The following ZNF385D variants were observed in gnomAD, a reference collection of about 807,000 sequenced individuals.
The protein encoded by ZNF385D is zinc finger protein 385D, also known as zinc finger protein 659.
In ZNF385D, 15 loss-of-function variants were observed where a neutral mutation model predicts 35.8. The ratio of observed to expected loss-of-function variants is 0.42; its 90% CI spans 0.28 to 0.64. ZNF385D has a LOEUF of 0.64. ZNF385D is among the 30% of genes least tolerant of loss of function. The pLI is 0.23. For missense variants in ZNF385D, 474 were observed against 494.6 expected, an observed-to-expected ratio of 0.96 and a Z score of 0.39; for synonymous variants, 212 against 186.8, an observed-to-expected ratio of 1.13 and a Z score of -1.10.
At chr3:21,674,001 A>T (rs2066650763) in intron 1 of ZNF385D, among the ~76,000 whole-genome samples, 1 of 152,146 alleles carries the variant, frequency 6.6e-6, no homozygotes, top group Admixed American at 6.6e-5. Context: ...ACTCTTTAAA[A>T]AGAAAAAATA....
chr3:22,074,131 T>G lies in ZNF385D; in HGVS notation c.325+94686A>C, dbSNP rs4858377. Among the ~76,000 whole-genome samples, 1,313 of 152,048 alleles carry G rather than the reference T, an allele frequency of 8.6e-3. 74 individuals are homozygous for G. Among genetic ancestry groups the G allele is most frequent in the Admixed American group, 0.079 (1,204 of 15,234 alleles). ...TTTCTTTTTCTGTGTACCTGTAAGA[T>G]GAAGACATCTAGAGGGAACTTCCCA... On this transcript the variant is annotated intron_variant, in intron 3 of 5. Transcript: ENST00000494108.
At chr3:22,320,971 G>C (rs925143920) in intron 2 of ZNF385D, among the ~76,000 whole-genome samples, 1 of 151,672 alleles carries the variant, frequency 6.6e-6, no homozygotes, top group African/African-American at 2.4e-5. Context: ...ACATTTTTTT[G>C]AAATGAAAGC....
At chr3:22,062,393 A>C (rs1028278609) in intron 3 of ZNF385D, among the ~76,000 whole-genome samples, 1 of 152,128 alleles carries the variant, frequency 6.6e-6, no homozygotes, top group Non-Finnish European at 1.5e-5. Context: ...TTCTAAGTGG[A>C]AGAATTAACA....
At chr3:22,235,884 A>G (rs968246529) in intron 2 of ZNF385D, among the ~76,000 whole-genome samples, 10 of 152,132 alleles carry the variant, frequency 6.6e-5, no homozygotes, top group Admixed American at 2.0e-4. Flanking sequence ...ATGTTCGACA[A>G]ATAAAAAGTA....
At chr3:21,881,715 C>A (rs1258642995) in intron 3 of ZNF385D, among the ~76,000 whole-genome samples, 2 of 151,976 alleles carry the variant, frequency 1.3e-5, no homozygotes, top group African/African-American at 4.8e-5. Flanking sequence ...TCTGATGGAT[C>A]TGGGCAATGT....
chr3:22,002,526 C>T (rs61535767), intron 3 of ZNF385D, among the ~76,000 whole-genome samples: 41,341 of 152,092 alleles, frequency 0.27, 6,221 homozygotes, highest in South Asian at 0.43. Flanking sequence ...AAAAACTCTT[C>T]TCTATCTATT....
At chr3:22,305,901 G>A (rs763158285) in intron 2 of ZNF385D, among the ~76,000 whole-genome samples, 5 of 152,156 alleles carry the variant, frequency 3.3e-5, no homozygotes, top group Non-Finnish European at 7.4e-5. Flanking sequence ...TTGTCAAACA[G>A]TTTCTAAATA....
intron 3 of ZNF385D, among the ~76,000 whole-genome samples, chr3:21,877,030 T>G (rs1056364149): frequency 6.6e-6 from 1 of 152,090 alleles, no homozygotes; most frequent in Admixed American, 6.6e-5. Flanking sequence ...ATCCATTTGC[T>G]TTTGCAGTAA....
chr3:22,060,134 C>T (rs1428464974), intron 3 of ZNF385D, among the ~76,000 whole-genome samples: 2 of 152,162 alleles, frequency 1.3e-5, no homozygotes, highest in East Asian at 1.9e-4. Context: ...ACCCTTAACT[C>T]CCCTAATTCC....
At chr3:22,339,850 G>A (rs9858479) in intron 2 of ZNF385D, among the ~76,000 whole-genome samples, 31,080 of 151,926 alleles carry the variant, frequency 0.2, 3,582 homozygotes, top group Non-Finnish European at 0.26. Context: ...ATCGACATCC[G>A]CTTTAAAAAA....
intron 3 of ZNF385D, among the ~76,000 whole-genome samples, chr3:22,157,774 TTGG>T (rs1409959856): frequency 2.0e-5 from 3 of 152,110 alleles, no homozygotes; most frequent in Non-Finnish European, 4.4e-5. Flanking sequence ...CCTCTCAGGG[TTGG>T]AAAATTGGAA....
chr3:21,608,905 G>T (rs2064579662), intron 2 of ZNF385D, among the ~76,000 whole-genome samples: 1 of 152,162 alleles, frequency 6.6e-6, no homozygotes, highest in Admixed American at 6.5e-5. Flanking sequence ...AGTGTATTCA[G>T]ATGATGAGAC....
rs9851283 is a variant in ZNF385D, at chr3:21,572,907, C to G, written c.166-8223G>C. Among the ~76,000 whole-genome samples, 642 of 152,142 alleles carry G rather than the reference C, an allele frequency of 4.2e-3. 5 individuals are homozygous for G. Among genetic ancestry groups the G allele is most frequent in the African/African-American group, 0.014 (594 of 41,490 alleles). On this transcript the variant is annotated intron_variant, in intron 2 of 7. Transcript: ENST00000281523. Reference sequence around the variant, plus strand: ...GCACTGCCCATAAGGACTTATATGTCATATCTCATTAGGACTTCACAATAT... The same window carrying G: ...GCACTGCCCATAAGGACTTATATGTGATATCTCATTAGGACTTCACAATAT...
chr3:21,849,320 A>G (rs3912511), intron 3 of ZNF385D, among the ~76,000 whole-genome samples: 31,220 of 152,120 alleles, frequency 0.21, 3,384 homozygotes, highest in Admixed American at 0.26. Flanking sequence ...ATTCAAAAGA[A>G]TGAGCTAATA....
intron 3 of ZNF385D, among the ~76,000 whole-genome samples, chr3:22,153,287 C>T (rs756118762): frequency 6.6e-6 from 1 of 152,000 alleles, no homozygotes; most frequent in Non-Finnish European, 1.5e-5. Context: ...ATTAGGACTC[C>T]TATCACCTGC....
At chr3:22,221,951 C>A (rs1698280037) in intron 2 of ZNF385D, among the ~76,000 whole-genome samples, 1 of 151,948 alleles carries the variant, frequency 6.6e-6, no homozygotes, top group South Asian at 2.1e-4. Flanking sequence ...GTTTTCAAAA[C>A]TACTTAATAC....
chr3:21,790,919 G>C (rs561095770), intron 3 of ZNF385D, among the ~76,000 whole-genome samples: 1 of 152,018 alleles, frequency 6.6e-6, no homozygotes, highest in Non-Finnish European at 1.5e-5. Context: ...TTCTCTTCCT[G>C]CTTCCTAAGT....
chr3:22,193,615 A>G (rs1696210205), intron 2 of ZNF385D, among the ~76,000 whole-genome samples: 1 of 151,984 alleles, frequency 6.6e-6, no homozygotes, highest in African/African-American at 2.4e-5. Flanking sequence ...CTATTTGACC[A>G]CTGAACTCTT....
intron 3 of ZNF385D, among the ~76,000 whole-genome samples, chr3:22,007,103 A>G (rs1220331517): frequency 6.6e-6 from 1 of 152,148 alleles, no homozygotes; most frequent in East Asian, 1.9e-4. Flanking sequence ...TGTTTCAAAA[A>G]AATCTACACC....
Sources: gnomAD v4.1 joint callset for allele counts (sites outside exome capture counted in the v4.1 genomes callset) on GRCh38, gnomAD v4.1.1 for gene constraint, MANE v1.5 for transcripts, NCBI Gene and HGNC (gene_info 2026-07-23, HGNC 2026-07-21) for gene names.